The following AOAH variants were observed in gnomAD, a reference collection of about 807,000 sequenced individuals.
AOAH encodes the protein acyloxyacyl hydrolase.
Under a neutral mutation model 92.2 loss-of-function variants are expected in AOAH, and 64 were observed. The observed-to-expected ratio is 0.69, with a 90% CI of 0.57 to 0.86. The LOEUF is 0.86. AOAH is among the 40% of genes least tolerant of loss of function. The pLI, the probability that AOAH is intolerant of heterozygous loss-of-function variation, is 0.00. For synonymous variants in AOAH, 263 were observed against 254.5 expected (o/e 1.03, Z -0.32); for missense variants, 656 against 694.6 (o/e 0.94, Z 0.62).
At chr7:36,681,306 A>C (rs1796627954) in intron 2 of AOAH, among the ~76,000 whole-genome samples, 2 of 152,212 alleles carry the variant, frequency 1.3e-5, no homozygotes, top group African/African-American at 4.8e-5. Context: ...TAAACAAATA[A>C]AATATAGAAC....
At chr7:36,651,892 C>G (rs985067411) in intron 4 of AOAH, among the ~76,000 whole-genome samples, 7 of 152,298 alleles carry the variant, frequency 4.6e-5, no homozygotes, top group South Asian at 2.1e-4. Context: ...TACACACACA[C>G]AGAGACACAC....
chr7:36,649,647 C>G (rs1794447518), intron 4 of AOAH, among the ~76,000 whole-genome samples: 1 of 152,232 alleles, frequency 6.6e-6, no homozygotes, highest in Non-Finnish European at 1.5e-5. Context: ...TGGATACCCT[C>G]TTTGGGTCCC....
chr7:36,608,743 T>A (rs940284103), intron 11 of AOAH, among the ~76,000 whole-genome samples: 4 of 152,176 alleles, frequency 2.6e-5, no homozygotes, highest in Non-Finnish European at 5.9e-5. Flanking sequence ...GGCATGTGGC[T>A]ATCAGTAGGG....
At chr7:36,577,771 A>G (rs1443036641) in intron 12 of AOAH, among the ~76,000 whole-genome samples, 1 of 152,244 alleles carries the variant, frequency 6.6e-6, no homozygotes, top group Non-Finnish European at 1.5e-5. Context: ...CTTTGAAATA[A>G]GACCAGATGT....
chr7:36,652,031 T>C (rs1157653967), intron 4 of AOAH, among the ~76,000 whole-genome samples: 2 of 152,138 alleles, frequency 1.3e-5, no homozygotes, highest in East Asian at 3.9e-4. Flanking sequence ...CCAGTAGCAA[T>C]GGGCATACCT....
At chr7:36,623,049 AAAG>A in intron 7 of AOAH, 138 bp downstream of exon 7, 1 of 810,330 alleles carries the variant, frequency 1.2e-6, no homozygotes, top group Non-Finnish European at 2.0e-6. Flanking sequence ...TCAAAAAAGA[AAAG>A]AAATTGTGAA....
At chr7:36,643,732 T>C (rs970450064) in intron 4 of AOAH, among the ~76,000 whole-genome samples, 3 of 152,178 alleles carry the variant, frequency 2.0e-5, no homozygotes, top group African/African-American at 4.8e-5. Flanking sequence ...TGGGAGGTGA[T>C]TGGATCATGG....
chr7:36,607,482 T>C (rs932278734), intron 11 of AOAH, among the ~76,000 whole-genome samples: 8 of 152,146 alleles, frequency 5.3e-5, no homozygotes, highest in Non-Finnish European at 1.2e-4. Context: ...GCAGTACTCA[T>C]AGGGTGCAAT....
chr7:36,627,545 C>A (rs1421679828), intron 6 of AOAH, among the ~76,000 whole-genome samples: 82 of 145,800 alleles, frequency 5.6e-4, no homozygotes, highest in Non-Finnish European at 9.8e-4. Flanking sequence ...GGAAAGCACT[C>A]AAAAAAAAAA....
chr7:36,522,886 G>A (rs1406552075), intron 19 of AOAH, among the ~76,000 whole-genome samples: 1 of 152,100 alleles, frequency 6.6e-6, no homozygotes, highest in Non-Finnish European at 1.5e-5. Flanking sequence ...GATTCCTCCC[G>A]TTCTTTACTC....
At chr7:36,635,841 T>TG (rs1793485428) in intron 5 of AOAH, among the ~76,000 whole-genome samples, 1 of 152,118 alleles carries the variant, frequency 6.6e-6, no homozygotes, top group African/African-American at 2.4e-5. Context: ...ATCTATAAAA[T>TG]GGGGCTGATG....
intron 12 of AOAH, among the ~76,000 whole-genome samples, chr7:36,579,532 G>C (rs1788778195): frequency 6.6e-6 from 1 of 151,996 alleles, no homozygotes; most frequent in African/African-American, 2.4e-5. Context: ...ATATATGGGG[G>C]GGTTTTTAGT....
chr7:36,538,077 G>C (rs1785197479), intron 16 of AOAH, among the ~76,000 whole-genome samples: 1 of 150,796 alleles, frequency 6.6e-6, no homozygotes, highest in African/African-American at 2.4e-5. Flanking sequence ...ACCCAGGCTG[G>C]AGTGCAATGG....
At chr7:36,557,471 G>A (rs1207424090) in intron 13 of AOAH, among the ~76,000 whole-genome samples, 1 of 151,934 alleles carries the variant, frequency 6.6e-6, no homozygotes, top group Non-Finnish European at 1.5e-5. Context: ...TCTTGGAGTT[G>A]CTCTTCTCGA....
Position 36,516,056 on chromosome 7 carries a change from A to C in AOAH, c.1600-2676T>G, listed in dbSNP as rs975951090. ...TAAATACGTCACACACACACACACC[A>C]CACACTACACACACCACACGCCACA... On this transcript the variant is annotated intron_variant, in intron 20 of 20. Transcript: ENST00000617537. This position sits in a 1 kb window ranked among gnomAD's most constrained non-coding sequence, Gnocchi z 5.0. Among the ~76,000 whole-genome samples, 19 of 145,824 alleles carry C rather than the reference A, an allele frequency of 1.3e-4. No individual in the cohort carries two copies. Among genetic ancestry groups the C allele is most frequent in the Non-Finnish European group, 2.6e-4 (17 of 66,308 alleles).
Position 36,540,389 on chromosome 7 carries a change from A to G in AOAH, c.1236T>C (p.His412=). The change falls in exon 16 of 21, where the codon CAT becomes CAC. Residue 412 remains histidine, a synonymous_variant. Transcript: ENST00000617537. ...HLNSHLPNGS[H]VILYGLPDGT... ...CATCTGGTAAGCCATACAAAATAAC[A>G]TGGCTGCCATTGGGCAGGTGGGAAT... 6.2e-7 allele frequency: 1 copy of G among 1,614,058 alleles called. No individual in the cohort carries two copies. The highest frequency in any genetic ancestry group is 8.5e-7 in the Non-Finnish European group (1 of 1,179,932).
chr7:36,618,330 CT>C lies in AOAH; in HGVS notation c.717del (p.Asp240MetfsTer43). 1 of 1,614,088 alleles carries C rather than the reference CT, an allele frequency of 6.2e-7. No individual in the cohort carries two copies. The highest frequency in any genetic ancestry group is 8.5e-7 in the Non-Finnish European group (1 of 1,179,958). ...NCNGIWGVDP[K>X]DGVPYEKKFC... ...AATTTCTTCTCATATGGAACTCCATCTTTTGGATCGACACCCTTTAAAAAAG... is the reference window on the plus strand; with the variant it reads ...AATTTCTTCTCATATGGAACTCCATCTTTGGATCGACACCCTTTAAAAAAG... On this transcript the variant is annotated frameshift_variant, in exon 10 of 21. Coordinates refer to ENST00000617537, the MANE Select transcript of AOAH (RefSeq NM_001637.4). LOFTEE classifies it high-confidence loss of function.
At chr7:36,595,182 A>G (rs1432502251) in intron 11 of AOAH, among the ~76,000 whole-genome samples, 1 of 152,168 alleles carries the variant, frequency 6.6e-6, no homozygotes, top group Non-Finnish European at 1.5e-5. Flanking sequence ...TAAATTTTAG[A>G]AAAAGCTTAT....
Position 36,628,464 on chromosome 7 carries a change from T to C in AOAH, c.521+3572A>G, listed in dbSNP as rs150683766. Among the ~76,000 whole-genome samples, 623 of 152,268 alleles carry C rather than the reference T, an allele frequency of 4.1e-3. 5 individuals are homozygous for C. Among genetic ancestry groups the C allele is most frequent in the African/African-American group, 0.014 (597 of 41,546 alleles). On this transcript the variant is annotated intron_variant, in intron 6 of 20. Coordinates refer to ENST00000617537, the MANE Select transcript of AOAH (RefSeq NM_001637.4). ...TGCTTTTCCTTCATGTGTTCCCTCA[T>C]TTATTCATTGAGCTCCTCCTGCTAA...
Sources: allele counts gnomAD v4.1 joint callset (sites outside exome capture counted in the v4.1 genomes callset), GRCh38; gene constraint gnomAD v4.1.1; non-coding constraint Gnocchi (gnomAD v3.1); transcripts MANE v1.5; gene names NCBI Gene and HGNC (gene_info 2026-07-23, HGNC 2026-07-21).